ESPL1: variants seen among roughly 807,000 people sequenced by gnomAD.
ESPL1 encodes the protein extra spindle pole bodies like 1, separase.
Under a neutral mutation model 217.2 loss-of-function variants are expected in ESPL1, and 50 were observed. The ratio of observed to expected loss-of-function variants is 0.23; its 90% CI spans 0.18 to 0.29. The LOEUF is 0.29. Ranked by LOEUF, ESPL1 falls within the 10% of genes least tolerant of loss-of-function variation. ESPL1 has a pLI of 1.00. For synonymous variants in ESPL1, 994 were observed against 1,081.3 expected, an observed-to-expected ratio of 0.92 and a Z score of 1.58; for missense variants, 1,834 against 2,603.0, an observed-to-expected ratio of 0.70 and a Z score of 6.43.
Position 53,286,642 on chromosome 12 carries a change from C to A in ESPL1, c.3906C>A (p.Val1302=), listed in dbSNP as rs1223660458. The change falls in exon 18 of 31, where the codon GTC becomes GTA. Residue 1302 remains valine (V), a synonymous_variant. Coordinates refer to ENST00000257934, the MANE Select transcript of ESPL1 (RefSeq NM_012291.5). This position sits in a 1 kb window ranked among gnomAD's most constrained non-coding sequence, Gnocchi z 5.3. ...GGCAGCCACCATTAATAAAAAGTGT[C>A]CCTGGCTCAGAGCCCTCTAAGACTC... is the stretch of plus-strand genomic sequence containing the variant. ...WGWQPPLIKS[V]PGSEPSKTQG... 6.2e-7 allele frequency: 1 copy of A among 1,614,190 alleles called. No homozygotes were observed. The highest frequency in any genetic ancestry group is 2.2e-5 in the East Asian group (1 of 44,890).
In ESPL1 at chr12:53,293,489, C is replaced by T; in HGVS notation, c.*15C>T. The stretch of plus-strand genomic sequence containing the variant: ...CTCTGCGGTAACCCCATGGAGCTGT[C>T]TTATTGATGCTAGAAGCCTCATAAC... On this transcript the variant is annotated 3_prime_UTR_variant, in exon 31 of 31. Coordinates refer to ENST00000257934, the MANE Select transcript of ESPL1 (RefSeq NM_012291.5). The surrounding 1 kb of genome is among the most constrained non-coding windows in gnomAD (Gnocchi z 4.2). The T allele has an allele frequency of 1.3e-6, 2 of 1,590,126 alleles. No homozygotes were observed. The highest frequency in any genetic ancestry group is 2.2e-5 in the South Asian group (2 of 90,540).
Position 53,286,319 on chromosome 12 carries a change from G to A in ESPL1, c.3583G>A (p.Ala1195Thr), listed in dbSNP as rs200640004. 28 of 1,614,168 alleles carry A rather than the reference G, an allele frequency of 1.7e-5. No homozygotes were observed. The highest frequency in any genetic ancestry group is 1.5e-4 in the African/African-American group (11 of 75,056). The change falls in exon 18 of 31, where the codon GCT (alanine) becomes ACT (threonine). Residue 1195 changes from alanine to threonine, a missense_variant. Physicochemically the swap from Ala to Thr is moderately conservative, Grantham distance 58. This residue lies in a region of ESPL1 where 681 missense variants were observed against 808.0 expected (regional missense o/e 0.84). Transcript: ENST00000257934. The surrounding 1 kb of genome is among the most constrained non-coding windows in gnomAD (Gnocchi z 5.3). Reference protein sequence around the residue: ...QVVLKGCPEAAERLTQALQAS... With the variant: ...QVVLKGCPEATERLTQALQAS... ...CGTGCTGAAGGGCTGTCCTGAAGCCGCTGAGCGCCTCACCCAAGCTCTCCA... is the reference window on the plus strand; with the variant it reads ...CGTGCTGAAGGGCTGTCCTGAAGCCACTGAGCGCCTCACCCAAGCTCTCCA...
At chr12:53,275,444 G>C (rs1356914179) in intron 7 of ESPL1, among the ~76,000 whole-genome samples, 4 of 152,118 alleles carry the variant, frequency 2.6e-5, no homozygotes, top group Non-Finnish European at 5.9e-5. Flanking sequence ...CTGGGTGACA[G>C]AGGGAGACTC....
chr12:53,278,362 A>G (rs1353259967), intron 11 of ESPL1, among the ~76,000 whole-genome samples: 2 of 151,920 alleles, frequency 1.3e-5, no homozygotes, highest in Non-Finnish European at 2.9e-5. Flanking sequence ...CTGTAATCCC[A>G]GCTACTCAGG....
chr12:53,290,364 C>A lies in ESPL1; in HGVS notation c.5259C>A (p.Val1753=). ...TGQNKLHLRS[V]LNEFDAIQKA... is the part of the protein sequence containing the mutation. ...TCCCAAAGCTTCATCTGCGTTCAGT[C>A]CTGAATGAGTTTGATGCCATCCAGA... is the stretch of plus-strand genomic sequence containing the variant. The change falls in exon 24 of 31, where the codon GTC becomes GTA. Residue 1753 remains valine (V), a synonymous_variant. Coordinates refer to ENST00000257934, the MANE Select transcript of ESPL1 (RefSeq NM_012291.5). The A allele has an allele frequency of 6.2e-7, 1 of 1,613,112 alleles. No individual in the cohort carries two copies. Among genetic ancestry groups the A allele is most frequent in the South Asian group, 1.1e-5 (1 of 90,898 alleles).
Position 53,286,454 on chromosome 12 carries a change from A to G in ESPL1, c.3718A>G (p.Asn1240Asp). The G allele has an allele frequency of 1.2e-6, 2 of 1,614,226 alleles. No individual in the cohort carries two copies. The change falls in exon 18 of 31, where the codon AAC becomes GAC. Residue 1240 changes from asparagine to aspartate, a missense_variant. Transcript: ENST00000257934. The surrounding 1 kb of genome is among the most constrained non-coding windows in gnomAD (Gnocchi z 5.3). ...ACTGGAGGGCCTGAACCAGCCATCA[A>G]ACGAGAGCCTGCAGAAGGTTCTACA... ...LALEGLNQPSNESLQKVLQSG... is the reference protein window; with the variant it reads ...LALEGLNQPSDESLQKVLQSG...
chr12:53,280,958 C>G (rs978218975), intron 12 of ESPL1, among the ~76,000 whole-genome samples: 4 of 150,890 alleles, frequency 2.7e-5, no homozygotes, highest in African/African-American at 4.9e-5. Flanking sequence ...CACCATTGCA[C>G]TCCAGCCTGG....
chr12:53,278,680 C>T (rs1943812783), intron 11 of ESPL1, among the ~76,000 whole-genome samples: 1 of 151,276 alleles, frequency 6.6e-6, no homozygotes, highest in African/African-American at 2.4e-5. Context: ...CAACTTCCGC[C>T]ATCTGGGTTC....
chr12:53,285,973 G>A lies in ESPL1; in HGVS notation c.3237G>A (p.Leu1079=), dbSNP rs527791158. Reference sequence around the variant, plus strand: ...TGGACTCTGTGAAGAAGGTCCACCTGCAGAAGGGGAAGCAGCAGGCCCAGG... The same window carrying A: ...TGGACTCTGTGAAGAAGGTCCACCTACAGAAGGGGAAGCAGCAGGCCCAGG... ...QHLDSVKKVH[L]QKGKQQAQVP... Residue 1079 remains leucine, a synonymous_variant, in exon 18 of 31, where the codon CTG becomes CTA. Coordinates refer to ENST00000257934, the MANE Select transcript of ESPL1 (RefSeq NM_012291.5). The A allele has an allele frequency of 4.8e-5, 75 of 1,571,688 alleles. No individual in the cohort carries two copies. The South Asian group carries it at 6.6e-4, about 14-fold the overall frequency.
intron 6 of ESPL1, among the ~76,000 whole-genome samples, chr12:53,273,725 C>G (rs1050291851): frequency 2.0e-5 from 3 of 150,018 alleles, no homozygotes; most frequent in Non-Finnish European, 3.0e-5. Flanking sequence ...TGCTACTGTA[C>G]TCCAGCCTGG....
In ESPL1 at chr12:53,269,378, G is replaced by A. The variant is rs1407632502; in HGVS notation, c.436G>A (p.Gly146Ser). Residue 146 changes from glycine (G) to serine (S), a missense_variant, in exon 3 of 31, where the codon GGC becomes AGC. Physicochemically the swap from Gly to Ser is moderately conservative, Grantham distance 56. Around this residue, in one of 5 missense-constraint regions of ESPL1, gnomAD observed 746 missense variants for 1,077.0 expected, o/e 0.69. Coordinates refer to ENST00000257934, the MANE Select transcript of ESPL1 (RefSeq NM_012291.5). The surrounding 1 kb of genome is among the most constrained non-coding windows in gnomAD (Gnocchi z 6.7). The part of the protein sequence containing the change: ...APQDYEAVAR[G>S]SFSLLWKGAE... The stretch of plus-strand genomic sequence containing the variant: ...CCAGGACTATGAGGCCGTGGCTCGG[G>A]GCAGCTTTTCTCTGCTTTGGAAGGG... 1 of 1,613,994 alleles carries A rather than the reference G, an allele frequency of 6.2e-7. No individual in the cohort carries two copies. The highest frequency in any genetic ancestry group is 8.5e-7 in the Non-Finnish European group (1 of 1,180,030).
At chr12:53,272,131 G>A (rs994998823) in intron 5 of ESPL1, among the ~76,000 whole-genome samples, 8 of 151,942 alleles carry the variant, frequency 5.3e-5, no homozygotes, top group East Asian at 1.9e-4. Flanking sequence ...TGTGTGCAAC[G>A]CACTATTTGG....
intron 20 of ESPL1, 181 bp downstream of exon 20, chr12:53,288,880 T>G (rs887956613): frequency 1.4e-6 from 1 of 716,888 alleles, no homozygotes; most frequent in East Asian, 2.7e-5. Flanking sequence ...AAGCTTCTAT[T>G]CCTTCTGTAA....
chr12:53,285,275 A>G (rs193114131), intron 17 of ESPL1, among the ~76,000 whole-genome samples: 2 of 152,224 alleles, frequency 1.3e-5, no homozygotes, highest in Admixed American at 6.5e-5. Flanking sequence ...AGCATAGATT[A>G]TTTTCATTTG....
Position 53,279,798 on chromosome 12 carries a change from A to T in ESPL1, c.2431A>T (p.Lys811Ter). 1 of 1,613,518 alleles carries T rather than the reference A, an allele frequency of 6.2e-7. No individual in the cohort carries two copies. ...IVSERLKDHS[K>*]AAGSSCHITQ... ...CTCTGAGAGACTGAAGGACCACTCG[A>T]AGGCAGCTGGCTCCTCCTGCCACAT... Residue 811 changes from lysine (K) to a stop codon, truncating the protein, a stop_gained, in exon 12 of 31, where the codon AAG (lysine) becomes TAG (stop). Coordinates refer to ENST00000257934, the MANE Select transcript of ESPL1 (RefSeq NM_012291.5). LOFTEE classifies it high-confidence loss of function.
chr12:53,283,690 A>C, intron 16 of ESPL1, 152 bp downstream of exon 16: 1 of 755,606 alleles, frequency 1.3e-6, no homozygotes, highest in Non-Finnish European at 2.2e-6. Context: ...GGAAATGCTG[A>C]GTTAATCAAG....
chr12:53,285,028 G>A lies in ESPL1; in HGVS notation c.3187+861G>A, dbSNP rs1005321970. Among the ~76,000 whole-genome samples, 228 of 114,836 alleles carry A rather than the reference G, an allele frequency of 2.0e-3. 4 individuals are homozygous for A. Among genetic ancestry groups the A allele is most frequent in the African/African-American group, 5.9e-3 (183 of 31,068 alleles). 75.3% of individuals were successfully genotyped at this position (114,836 alleles called of 152,430 possible). On this transcript the variant is annotated intron_variant, in intron 17 of 30. Coordinates refer to ENST00000257934, the MANE Select transcript of ESPL1 (RefSeq NM_012291.5). ...TCTGACTCAAAAAAAAAAAAAAAAA[G>A]AAGAAAGAAAGAAAGAAAGATAATA...
intron 7 of ESPL1, among the ~76,000 whole-genome samples, chr12:53,275,847 T>C (rs1166495917): frequency 1.3e-5 from 2 of 151,928 alleles, no homozygotes; most frequent in African/African-American, 4.8e-5. Flanking sequence ...ATTACAGGCA[T>C]GAGCCAGTGC....
At chr12:53,278,304 G>A (rs560909390) in intron 11 of ESPL1, among the ~76,000 whole-genome samples, 65 of 151,764 alleles carry the variant, frequency 4.3e-4, no homozygotes, top group Admixed American at 1.2e-3. Flanking sequence ...GCGAAACCCC[G>A]TCTCTACAAG....
Sources: gnomAD v4.1 joint callset for allele counts (sites outside exome capture counted in the v4.1 genomes callset) on GRCh38, gnomAD v4.1.1 for gene constraint, gnomAD v4.1.1 regional missense constraint, Gnocchi (gnomAD v3.1) non-coding constraint, MANE v1.5 for transcripts, NCBI Gene and HGNC (gene_info 2026-07-23, HGNC 2026-07-21) for gene names.